GALC: variants seen among roughly 807,000 people sequenced by gnomAD.
GALC encodes galactosylceramidase.
A neutral mutation model predicts 91.8 loss-of-function variants in GALC; 77 were observed. The observed-to-expected ratio is 0.84, with a 90% CI of 0.70 to 1.01. The LOEUF is 1.01. Among genes scored for constraint, GALC ranks in the 50% least tolerant of loss-of-function variants. GALC has a pLI of 0.00. For synonymous variants in GALC, 357 were observed against 306.7 expected (o/e 1.16, Z -1.71); for missense variants, 882 against 855.9 (o/e 1.03, Z -0.38).
intron 7 of GALC, among the ~76,000 whole-genome samples, chr14:87,975,444 T>A (rs1033899916): frequency 1.1e-4 from 17 of 152,126 alleles, no homozygotes; most frequent in African/African-American, 4.1e-4. Context: ...ATAATGGTAT[T>A]GTTTATGGTA....
intron 10 of GALC, chr14:87,955,220 G>T (rs113103510): frequency 0.12 from 130,536 of 1,045,266 alleles, 9,529 homozygotes; most frequent in Non-Finnish European, 0.14. Context: ...AGGAAGAAAT[G>T]GCAGGCATTT....
At chr14:87,981,808 A>G (rs1886760237) in intron 6 of GALC, among the ~76,000 whole-genome samples, 1 of 152,180 alleles carries the variant, frequency 6.6e-6, no homozygotes, top group African/African-American at 2.4e-5. Context: ...ACACTCCAAT[A>G]GAAAACAAGA....
chr14:87,943,121 A>G (rs908335845), intron 14 of GALC, among the ~76,000 whole-genome samples: 3 of 152,096 alleles, frequency 2.0e-5, no homozygotes, highest in African/African-American at 7.2e-5. Context: ...TTCACAGATA[A>G]TGAATGAAAT....
intron 3 of GALC, 194 bp downstream of exon 3, chr14:87,987,950 T>C: frequency 1.7e-6 from 1 of 572,602 alleles, no homozygotes; most frequent in Non-Finnish European, 3.1e-6. Context: ...TTGAATATTG[T>C]TTTTGATGGA....
intron 1 of GALC, among the ~76,000 whole-genome samples, chr14:87,990,381 T>A (rs918845357): frequency 1.3e-5 from 2 of 152,232 alleles, no homozygotes; most frequent in Non-Finnish European, 2.9e-5. Flanking sequence ...AAGTGGGCTA[T>A]CTTACTCATT....
At chr14:87,986,649 C>G (rs766713123) in intron 3 of GALC, 47 bp from the exon 4 acceptor site, 19 of 1,167,200 alleles carry the variant, frequency 1.6e-5, no homozygotes, top group African/African-American at 1.1e-4. Context: ...ATGAATGGTA[C>G]TTCCTAGGAC....
rs1595198237 is a variant in GALC, at chr14:87,949,941, A to C, written c.1252-10T>G. The C allele has an allele frequency of 2.2e-6, 3 of 1,389,690 alleles. No individual in the cohort carries two copies. Among genetic ancestry groups the C allele is most frequent in the Non-Finnish European group, 1.0e-6 (1 of 976,518 alleles). The allele number at this position is 1,389,690 out of a possible 1,614,324, so 86.1% of individuals were successfully genotyped here. A position where few individuals can be genotyped will look rare whatever the true frequency, so the allele number is the denominator to read the frequency against. On this transcript the variant is annotated splice_polypyrimidine_tract_variant and intron_variant, in intron 11 of 16. Coordinates refer to ENST00000261304, the MANE Select transcript of GALC (RefSeq NM_000153.4). ...GCTCTGGTATTTCACTCTGTAAAGA[A>C]AAGACAAAAAAGCATGGCTGAGTAA...
At chr14:87,957,094 G>A (rs1202678149) in intron 10 of GALC, among the ~76,000 whole-genome samples, 1 of 151,804 alleles carries the variant, frequency 6.6e-6, no homozygotes, top group African/African-American at 2.4e-5. Flanking sequence ...CATGTCACCT[G>A]CCACTTTTTA....
At chr14:87,959,528 T>C (rs528572704) in intron 10 of GALC, 3 of 152,272 alleles carry the variant, frequency 2.0e-5, no homozygotes, top group Non-Finnish European at 2.9e-5. Context: ...GAGACCAGCC[T>C]GGCCAACACG....
At chr14:87,956,266 G>T (rs1242861537) in intron 10 of GALC, among the ~76,000 whole-genome samples, 2 of 152,002 alleles carry the variant, frequency 1.3e-5, no homozygotes, top group African/African-American at 4.8e-5. Context: ...TTTACAGTGT[G>T]TGGAGGGGAA....
intron 10 of GALC, among the ~76,000 whole-genome samples, chr14:87,962,673 A>G (rs1362973509): frequency 6.6e-6 from 1 of 151,636 alleles, no homozygotes; most frequent in African/African-American, 2.4e-5. Flanking sequence ...TGCTTCTCCC[A>G]TGGGAACTTA....
Position 87,947,759 on chromosome 14 carries a change from G to A in GALC, c.1458C>T (p.Phe486=). The A allele has an allele frequency of 6.2e-7, 1 of 1,612,896 alleles. No homozygotes were observed. Among genetic ancestry groups the A allele is most frequent in the Non-Finnish European group, 8.5e-7 (1 of 1,179,246 alleles). ...TGAAATCATCCTTATAGGTACTTGG[G>A]AAGGGCTGGGATTTTGGAGGAAGCG... ...SYPLPPKSQP[F]PSTYKDDFNV... Residue 486 remains phenylalanine, a synonymous_variant, in exon 13 of 17, where the codon TTC becomes TTT. Coordinates refer to ENST00000261304, the MANE Select transcript of GALC (RefSeq NM_000153.4).
At chr14:87,965,099 C>T (rs1031002509) in intron 9 of GALC, among the ~76,000 whole-genome samples, 2 of 152,036 alleles carry the variant, frequency 1.3e-5, no homozygotes, top group African/African-American at 4.8e-5. Flanking sequence ...TGCTAGCATA[C>T]GATTGTAATT....
At chr14:87,951,173 T>C (rs3850378) in intron 10 of GALC, among the ~76,000 whole-genome samples, 18,918 of 151,690 alleles carry the variant, frequency 0.12, 1,368 homozygotes, top group South Asian at 0.26. Context: ...TGGGTGTGTG[T>C]ATATATAGTA....
At chr14:87,992,756 C>G in intron 1 of GALC, 1 of 1,420,452 alleles carries the variant, frequency 7.0e-7, no homozygotes, top group South Asian at 1.5e-5. Flanking sequence ...TTTGTTCAAA[C>G]CTAACTGCCT....
At chr14:87,951,158 A>T (rs1267394647) in intron 10 of GALC, among the ~76,000 whole-genome samples, 1 of 151,708 alleles carries the variant, frequency 6.6e-6, no homozygotes, top group Non-Finnish European at 1.5e-5. Context: ...ATATATATAT[A>T]TGTATGGGTG....
chr14:87,934,142 A>T lies in GALC; in HGVS notation c.*590T>A, dbSNP rs1042029. 7.1e-7 allele frequency: 1 copy of T among 1,417,646 alleles called. No homozygotes were observed. Among genetic ancestry groups the T allele is most frequent in the Non-Finnish European group, 9.2e-7 (1 of 1,086,692 alleles). 87.8% of individuals were successfully genotyped at this position (1,417,646 alleles called of 1,614,324 possible). ...GTTAGAGGTAGTTTATTAAAGAGGCATTTTTAAAATCATCCCACTCATCAT... is the reference window on the plus strand; with the variant it reads ...GTTAGAGGTAGTTTATTAAAGAGGCTTTTTTAAAATCATCCCACTCATCAT... On this transcript the variant is annotated 3_prime_UTR_variant, in exon 17 of 17. Coordinates refer to ENST00000261304, the MANE Select transcript of GALC (RefSeq NM_000153.4).
intron 16 of GALC, among the ~76,000 whole-genome samples, chr14:87,937,343 A>G (rs559059286): frequency 1.2e-4 from 19 of 152,094 alleles, no homozygotes; most frequent in African/African-American, 4.6e-4. Flanking sequence ...AAAGATAAGT[A>G]GCATGTAAAA....
intron 16 of GALC, among the ~76,000 whole-genome samples, chr14:87,939,569 C>T (rs2139936773): frequency 6.6e-6 from 1 of 151,792 alleles, no homozygotes; most frequent in South Asian, 2.1e-4. Flanking sequence ...TATGGCTTTG[C>T]TTACATCTAT....
Sources: gnomAD v4.1 joint callset for allele counts (sites outside exome capture counted in the v4.1 genomes callset) on GRCh38, gnomAD v4.1.1 for gene constraint, MANE v1.5 for transcripts, NCBI Gene and HGNC (gene_info 2026-07-23, HGNC 2026-07-21) for gene names.